INF2: variants seen among roughly 807,000 people sequenced by gnomAD.
INF2 encodes inverted formin 2, also known as inverted formin-2.
A neutral mutation model predicts 123.5 loss-of-function variants in INF2; 43 were observed. The observed-to-expected ratio is 0.35, with a 90% confidence interval of 0.27 to 0.45. The LOEUF is 0.45. Among genes scored for constraint, INF2 ranks in the 20% least tolerant of loss-of-function variants. The probability of loss-of-function intolerance (pLI) is 1.00; values close to 1 mark genes in which losing one functional copy is unlikely to be tolerated. For missense variants in INF2, 1,453 were observed against 1,682.7 expected (o/e 0.86, Z 2.39); for synonymous variants, 851 against 745.0 (o/e 1.14, Z -2.32).
chr14:104,702,019 C>G (rs551336386), intron 2 of INF2, among the ~76,000 whole-genome samples: 1 of 152,308 alleles, frequency 6.6e-6, no homozygotes, highest in African/African-American at 2.4e-5. Flanking sequence ...TTGTGTGGCT[C>G]TGCCCCACCC....
At chr14:104,713,031 GTGGGGTCCC>G (rs1890125995) in intron 18 of INF2, 39 bp downstream of exon 18, 1 of 1,610,824 alleles carries the variant, frequency 6.2e-7, no homozygotes, top group Non-Finnish European at 8.5e-7. Flanking sequence ...TCTGGCTAGA[GTGGGGTCCC>G]GAGGCCCCTG....
At chr14:104,713,085 C>T (rs1453959768) in intron 18 of INF2, 93 bp downstream of exon 18, 13 of 1,607,154 alleles carry the variant, frequency 8.1e-6, no homozygotes, top group African/African-American at 2.7e-5. Flanking sequence ...AGGCACCTTT[C>T]GTCGGGCCGA....
rs187790729 is a variant in INF2 at position 104,681,764 on chromosome 14, G to C, written c.-104+182G>C. Reference sequence around the variant, plus strand: ...GTTCACTCACTGGAGAGGCAGGGTGGGCGGGGCAGGTGAGGATGGGGGCTG... The same window carrying C: ...GTTCACTCACTGGAGAGGCAGGGTGCGCGGGGCAGGTGAGGATGGGGGCTG... On this transcript the variant is annotated intron_variant, in intron 1 of 2. Transcript: ENST00000674723. Among the ~76,000 whole-genome samples, 815 of 152,364 alleles carry C rather than the reference G, an allele frequency of 5.3e-3. 10 individuals carry two copies. Among genetic ancestry groups the C allele is most frequent in the Non-Finnish European group, 4.3e-3 (293 of 68,026 alleles).
At chr14:104,698,634 C>T (rs1015095353) in intron 1 of INF2, among the ~76,000 whole-genome samples, 6 of 152,220 alleles carry the variant, frequency 3.9e-5, no homozygotes, top group Admixed American at 6.5e-5. Flanking sequence ...GGCCAGATTG[C>T]GGGTCAGAGT....
At chr14:104,704,265 T>C (rs1889672129) in intron 5 of INF2, 2 of 1,097,294 alleles carry the variant, frequency 1.8e-6, no homozygotes, top group South Asian at 3.7e-5. Context: ...AAACAGAAAA[T>C]GAAATGCCAA....
At chr14:104,709,772 C>A in intron 12 of INF2, 67 bp downstream of exon 12, 2 of 1,379,602 alleles carry the variant, frequency 1.4e-6, no homozygotes, top group Non-Finnish European at 2.1e-6. Context: ...GAATAGGGAG[C>A]AGGGCCCAGC....
At chr14:104,710,860 C>G in intron 13 of INF2, 77 bp from the exon 14 acceptor site, 1 of 1,304,820 alleles carries the variant, frequency 7.7e-7, no homozygotes, top group Non-Finnish European at 1.1e-6. Flanking sequence ...CACTGGCAAG[C>G]AGGACCACAC....
At chr14:104,712,408 CT>C in intron 16 of INF2, 24 bp from the exon 17 acceptor site, 1 of 1,611,806 alleles carries the variant, frequency 6.2e-7, no homozygotes. Context: ...GTTGCTGTCT[CT>C]GCCCGGCCCT....
rs1371972246 is a variant in INF2, at chr14:104,699,526, G to T, written c.-9-1831G>T. Reference sequence around the variant, plus strand: ...GGTCAGCAGCGATGAGAAGCCAGGGGAGCGTGAGGAGCAGCCCAGGACAGG... The same window carrying T: ...GGTCAGCAGCGATGAGAAGCCAGGGTAGCGTGAGGAGCAGCCCAGGACAGG... On this transcript the variant is annotated intron_variant, in intron 1 of 22. Coordinates refer to ENST00000392634, the MANE Select transcript of INF2 (RefSeq NM_022489.4). This position sits in a 1 kb window ranked among gnomAD's most constrained non-coding sequence, Gnocchi z 4.7. 1 of 985,186 alleles carries T rather than the reference G, an allele frequency of 1.0e-6. No homozygotes were observed. The highest frequency in any genetic ancestry group is 1.2e-6 in the Non-Finnish European group (1 of 829,892). 61.0% of individuals were successfully genotyped at this position (985,186 alleles called of 1,614,324 possible). A position where few individuals can be genotyped will look rare whatever the true frequency, so the allele number is the denominator to read the frequency against.
chr14:104,707,265 C>T lies in INF2; in HGVS notation c.998C>T (p.Thr333Ile). Reference sequence around the variant, plus strand: ...TCCCCTACTGCAGCCCAGGAATGCACCCTGGAGGAAGTGGTTGAGCGGCTC... The same window carrying T: ...TCCCCTACTGCAGCCCAGGAATGCATCCTGGAGGAAGTGGTTGAGCGGCTC... ...VLLASDAQECTLEEVVERLLS... is the reference protein window; with the variant it reads ...VLLASDAQECILEEVVERLLS... The change falls in exon 8 of 23, where the codon ACC (threonine) becomes ATC (isoleucine). Residue 333 changes from threonine (T) to isoleucine (I), a missense_variant. This residue lies in a region of INF2 where 374 missense variants were observed against 303.7 expected (regional missense o/e 1.23). Transcript: ENST00000392634. The T allele has an allele frequency of 6.2e-7, 1 of 1,609,650 alleles. No homozygotes were observed. Among genetic ancestry groups the T allele is most frequent in the South Asian group, 1.1e-5 (1 of 90,220 alleles).
exon 1 of INF2, chr14:104,681,517 T>C (rs1275034499): frequency 7.8e-7 from 1 of 1,278,806 alleles, no homozygotes; most frequent in African/African-American, 1.5e-5. Context: ...GCGCCCCCTC[T>C]CAGCAAACTC....
chr14:104,703,505 G>C (rs756817071), intron 4 of INF2, 51 bp downstream of exon 4: 1 of 1,600,058 alleles, frequency 6.2e-7, no homozygotes, highest in Non-Finnish European at 8.5e-7. Flanking sequence ...CTCTTGGCCA[G>C]TGCATCCCAT....
intron 1 of INF2, among the ~76,000 whole-genome samples, chr14:104,683,033 T>C (rs556743983): frequency 8.4e-4 from 116 of 138,046 alleles, no homozygotes; most frequent in Middle Eastern, 7.2e-3. Flanking sequence ...GCTCAAGCGG[T>C]CCACCCTCCC....
chr14:104,711,785 G>A (rs1595176500), intron 16 of INF2, 86 bp downstream of exon 16: 1 of 1,305,746 alleles, frequency 7.7e-7, no homozygotes. Context: ...GCCCGCCAGG[G>A]CTGGGTCTCA....
chr14:104,703,591 C>T (rs773783001), intron 4 of INF2, 137 bp downstream of exon 4: 36 of 1,209,410 alleles, frequency 3.0e-5, no homozygotes, highest in African/African-American at 1.3e-4. Context: ...GGCGCCATCT[C>T]GGGCCTGCCA....
chr14:104,704,107 G>A (rs1352564057), intron 5 of INF2, 158 bp downstream of exon 5: 1 of 1,486,834 alleles, frequency 6.7e-7, no homozygotes, highest in Non-Finnish European at 8.9e-7. Context: ...CCAGAAGCCA[G>A]GTCTCAGGCT....
chr14:104,708,255 CTGGGG>C, intron 8 of INF2, 176 bp from the exon 9 acceptor site: 1 of 905,192 alleles, frequency 1.1e-6, no homozygotes, highest in Non-Finnish European at 1.6e-6. Context: ...CCATGGTGCC[CTGGGG>C]CCCTGCTACA....
In INF2 at chr14:104,712,960, G is replaced by A; in HGVS notation, c.2743G>A (p.Ala915Thr). The change falls in exon 18 of 23, where the codon GCT (alanine) becomes ACT (threonine). Residue 915 changes from alanine to threonine, a missense_variant. Ala to Thr is a moderately conservative substitution (Grantham distance 58). Around this residue, in one of 8 missense-constraint regions of INF2, gnomAD observed 212 missense variants for 266.2 expected, o/e 0.80. Transcript: ENST00000392634. ...GGAGGACACGTTCAGCACCATGAAG[G>A]CTTTCCGGGACCTTTTCCTCCGCGC... Reference protein sequence around the residue: ...SLEDTFSTMKAFRDLFLRALK... With the variant: ...SLEDTFSTMKTFRDLFLRALK... The A allele has an allele frequency of 6.2e-7, 1 of 1,612,640 alleles. No individual in the cohort carries two copies. Among genetic ancestry groups the A allele is most frequent in the Non-Finnish European group, 8.5e-7 (1 of 1,179,810 alleles).
Position 104,718,884 on chromosome 14 carries a change from G to A in INF2, c.*91G>A. 1 of 1,583,192 alleles carries A rather than the reference G, an allele frequency of 6.3e-7. No homozygotes were observed. Among genetic ancestry groups the A allele is most frequent in the Non-Finnish European group, 8.6e-7 (1 of 1,169,024 alleles). On this transcript the variant is annotated 3_prime_UTR_variant, in exon 23 of 23. Coordinates refer to ENST00000392634, the MANE Select transcript of INF2 (RefSeq NM_022489.4). ...CAAGAGAGGCTCTTCTGGGGGCCAG[G>A]CTGGGACTGGGCCCCGGAAACCAAA...
Sources: gnomAD v4.1 joint callset for allele counts (sites outside exome capture counted in the v4.1 genomes callset) on GRCh38, gnomAD v4.1.1 for gene constraint, gnomAD v4.1.1 regional missense constraint, Gnocchi (gnomAD v3.1) non-coding constraint, MANE v1.5 for transcripts, NCBI Gene and HGNC (gene_info 2026-07-23, HGNC 2026-07-21) for gene names.